The following RAB3GAP1 variants were observed in gnomAD, a reference collection of about 807,000 sequenced individuals.
The protein encoded by RAB3GAP1 is RAB3 GTPase activating protein catalytic subunit 1, also known as rab3 GTPase-activating protein catalytic subunit.
In RAB3GAP1, 86 loss-of-function variants were observed where a neutral mutation model predicts 130.7. The ratio of observed to expected loss-of-function variants is 0.66; its 90% CI spans 0.55 to 0.79. The LOEUF is 0.79. RAB3GAP1 is among the 30% of genes least tolerant of loss of function. RAB3GAP1 has a pLI of 0.00. For missense variants in RAB3GAP1, 1,029 were observed against 1,169.4 expected (o/e 0.88, Z 1.75); for synonymous variants, 367 against 401.7 (o/e 0.91, Z 1.03).
intron 3 of RAB3GAP1, among the ~76,000 whole-genome samples, chr2:135,072,836 G>C (rs1293335460): frequency 3.9e-5 from 6 of 152,172 alleles, no homozygotes; most frequent in African/African-American, 1.4e-4. Context: ...GTTATGGTTT[G>C]TATTACATGT....
intron 17 of RAB3GAP1, among the ~76,000 whole-genome samples, chr2:135,143,350 G>A (rs1175000577): frequency 6.6e-6 from 1 of 151,514 alleles, no homozygotes; most frequent in Non-Finnish European, 1.5e-5. Context: ...TCTATAAGAG[G>A]GTTTTATTAA....
At chr2:135,108,684 T>G (rs1323115867) in intron 5 of RAB3GAP1, among the ~76,000 whole-genome samples, 1 of 152,186 alleles carries the variant, frequency 6.6e-6, no homozygotes, top group Non-Finnish European at 1.5e-5. Context: ...GCAAAAATTT[T>G]TAATTTTAAT....
chr2:135,117,752 TTCTGCTTCTTCTG>T (rs1691064307), intron 7 of RAB3GAP1, among the ~76,000 whole-genome samples: 3 of 148,086 alleles, frequency 2.0e-5, no homozygotes, highest in East Asian at 2.0e-4. Context: ...CTTCTTCTGC[TTCTGCTTCTTCTG>T]CTGCTTCTTC....
intron 17 of RAB3GAP1, among the ~76,000 whole-genome samples, chr2:135,148,622 G>A (rs1260136028): frequency 6.7e-6 from 1 of 148,160 alleles, no homozygotes; most frequent in East Asian, 2.0e-4. Flanking sequence ...AGCCTCCTGA[G>A]TAGCTGAGAT....
chr2:135,135,130 A>G, intron 15 of RAB3GAP1, 135 bp from the exon 16 acceptor site: 1 of 732,326 alleles, frequency 1.4e-6, no homozygotes, highest in African/African-American at 1.8e-5. Flanking sequence ...TCTGGAATTC[A>G]CTTACCTTAC....
chr2:135,173,723 G>C (rs752805825), downstream of RAB3GAP1, among the ~76,000 whole-genome samples: 1 of 152,160 alleles, frequency 6.6e-6, no homozygotes, highest in Non-Finnish European at 1.5e-5. Context: ...GCAGGATGTG[G>C]AAGGGGAGAA....
Position 135,133,869 on chromosome 2 carries a change from C to CAAT in RAB3GAP1, c.1336_1338dup (p.Asn446dup). ...TATTTTGTTAAATTTAGAATCTCTA[C>CAAT]AATCAGTTCAAGTCTGCACCATCTG... is the stretch of plus-strand genomic sequence containing the variant. On this transcript the variant is annotated inframe_insertion, in exon 15 of 24. Coordinates refer to ENST00000264158, the MANE Select transcript of RAB3GAP1 (RefSeq NM_012233.3). 1 of 1,613,382 alleles carries CAAT rather than the reference C, an allele frequency of 6.2e-7. No individual in the cohort carries two copies. Among genetic ancestry groups the CAAT allele is most frequent in the Non-Finnish European group, 8.5e-7 (1 of 1,179,430 alleles).
intron 5 of RAB3GAP1, among the ~76,000 whole-genome samples, chr2:135,098,908 T>C (rs895845569): frequency 2.0e-5 from 3 of 152,200 alleles, no homozygotes; most frequent in East Asian, 1.9e-4. Flanking sequence ...CTAAACACAA[T>C]GACTAGTTCT....
chr2:135,158,176 T>C (rs1692368280), intron 19 of RAB3GAP1, among the ~76,000 whole-genome samples: 2 of 152,206 alleles, frequency 1.3e-5, no homozygotes, highest in Non-Finnish European at 2.9e-5. Context: ...ATTCCCTGGC[T>C]TTCTTCTGAA....
At chr2:135,115,152 T>A (rs1690930173) in intron 6 of RAB3GAP1, 64 bp from the exon 7 acceptor site, 2 of 1,467,758 alleles carry the variant, frequency 1.4e-6, no homozygotes, top group South Asian at 1.2e-5. Flanking sequence ...TTGGAAAAAA[T>A]TTGAGGTTCA....
Position 135,145,525 on chromosome 2 carries a change from CT to C in RAB3GAP1, c.1924-4843del, listed in dbSNP as rs540076678. Among the ~76,000 whole-genome samples, 219 of 152,264 alleles carry C rather than the reference CT, an allele frequency of 1.4e-3. 1 individual carries two copies. The highest frequency in any genetic ancestry group is 5.1e-3 in the African/African-American group (212 of 41,560). ...AGTCACAGCATGATAGTTAGGAATA[CT>C]GTCAGTGGAGTTAGATTGCCTGAGT... On this transcript the variant is annotated intron_variant, in intron 17 of 23. Transcript: ENST00000264158.
intron 17 of RAB3GAP1, among the ~76,000 whole-genome samples, chr2:135,144,604 A>G (rs965706205): frequency 3.9e-5 from 6 of 152,232 alleles, no homozygotes; most frequent in South Asian, 2.1e-4. Context: ...CAGGCTTTCA[A>G]CTATCTTTGT....
At chr2:135,145,810 A>G (rs976992413) in intron 17 of RAB3GAP1, among the ~76,000 whole-genome samples, 1 of 152,216 alleles carries the variant, frequency 6.6e-6, no homozygotes, top group African/African-American at 2.4e-5. Context: ...TTTTGCAACT[A>G]GTCTTTATAT....
downstream of RAB3GAP1, among the ~76,000 whole-genome samples, chr2:135,173,008 A>G (rs1430925703): frequency 6.6e-6 from 1 of 152,136 alleles, no homozygotes; most frequent in Non-Finnish European, 1.5e-5. Flanking sequence ...CAGCCACATG[A>G]GTAAGCTTGG....
chr2:135,146,396 G>C (rs915423701), intron 17 of RAB3GAP1, among the ~76,000 whole-genome samples: 1 of 151,870 alleles, frequency 6.6e-6, no homozygotes, highest in Non-Finnish European at 1.5e-5. Flanking sequence ...ATTTTTAATA[G>C]AAATGGGATT....
At chr2:135,106,244 C>T (rs993671785) in intron 5 of RAB3GAP1, among the ~76,000 whole-genome samples, 1 of 152,210 alleles carries the variant, frequency 6.6e-6, no homozygotes, top group Non-Finnish European at 1.5e-5. Context: ...GCCGCCACCC[C>T]GTCTGGGAGG....
chr2:135,108,001 A>AC (rs1690682188), intron 5 of RAB3GAP1, among the ~76,000 whole-genome samples: 1 of 143,550 alleles, frequency 7.0e-6, no homozygotes, highest in African/African-American at 2.8e-5. Flanking sequence ...AAAAAAAAAA[A>AC]ACTACACAAA....
chr2:135,133,202 A>G (rs1295419035), intron 14 of RAB3GAP1, among the ~76,000 whole-genome samples: 1 of 152,186 alleles, frequency 6.6e-6, no homozygotes, highest in Non-Finnish European at 1.5e-5. Context: ...TAGCACAAAT[A>G]TACTCTACAC....
chr2:135,150,213 G>C (rs1692135293), intron 17 of RAB3GAP1, among the ~76,000 whole-genome samples, 156 bp from the exon 18 acceptor site: 1 of 152,078 alleles, frequency 6.6e-6, no homozygotes, highest in South Asian at 2.1e-4. Flanking sequence ...TCTTTTTTAT[G>C]TAAGTTCTAA....
Sources: allele counts gnomAD v4.1 joint callset (sites outside exome capture counted in the v4.1 genomes callset), GRCh38; gene constraint gnomAD v4.1.1; transcripts MANE v1.5; gene names NCBI Gene and HGNC (gene_info 2026-07-23, HGNC 2026-07-21).